Variants in HDAC9 observed in about 807,000 individuals in gnomAD.
The protein encoded by HDAC9 is histone deacetylase 9, also known as MEF-2 interacting transcription repressor (MITR) protein.
Under a neutral mutation model 139.4 loss-of-function variants are expected in HDAC9, and 41 were observed. That is an observed-to-expected ratio of 0.29 (90% CI 0.23 to 0.38). The LOEUF (loss-of-function observed/expected upper bound fraction) is 0.38. Ranked by LOEUF, HDAC9 falls within the 10% of genes least tolerant of loss-of-function variation. The pLI is 1.00. For missense variants in HDAC9, 1,147 were observed against 1,297.0 expected, an observed-to-expected ratio of 0.88 and a Z score of 1.78; for synonymous variants, 517 against 476.2, an observed-to-expected ratio of 1.09 and a Z score of -1.12.
Position 18,417,407 on chromosome 7 carries a change from C to G in HDAC9, c.-41-78855C>G, listed in dbSNP as rs555986631. The stretch of plus-strand genomic sequence containing the variant: ...TGCTGGATCATTTTCAATTCGTTGG[C>G]TTTTCTCCTCACTATGGGTCATATT... On this transcript the variant is annotated intron_variant, in intron 1 of 3. Transcript: ENST00000413509. Among the ~76,000 whole-genome samples the G allele has an allele frequency of 3.9e-5, 6 of 152,208 alleles. No individual in the cohort carries two copies. The East Asian group carries it at 9.6e-4, about 24-fold the overall frequency.
chr7:18,395,020 A>G (rs530660539), intron 1 of HDAC9: 1 of 152,274 alleles, frequency 6.6e-6, no homozygotes, highest in South Asian at 2.1e-4. Flanking sequence ...GGTCAATGTG[A>G]TTTACCAAAA....
chr7:18,353,949 T>C (rs545006481), intron 1 of HDAC9, among the ~76,000 whole-genome samples: 4 of 152,182 alleles, frequency 2.6e-5, no homozygotes, highest in Non-Finnish European at 5.9e-5. Context: ...GTGTGACCTG[T>C]TTCACCTTCT....
chr7:18,235,724 A>G (rs1793769244), intron 2 of HDAC9, among the ~76,000 whole-genome samples: 1 of 152,230 alleles, frequency 6.6e-6, no homozygotes, highest in African/African-American at 2.4e-5. Context: ...CAGGGAAGAT[A>G]TTAGCCTTAT....
chr7:18,450,591 C>A (rs1414442981), intron 1 of HDAC9, among the ~76,000 whole-genome samples: 1 of 152,152 alleles, frequency 6.6e-6, no homozygotes, highest in African/African-American at 2.4e-5. Context: ...CTTCTCTTAG[C>A]CACATGTGAA....
intron 1 of HDAC9, among the ~76,000 whole-genome samples, chr7:18,336,243 A>G (rs935892994): frequency 9.2e-5 from 14 of 151,560 alleles, no homozygotes; most frequent in African/African-American, 2.9e-4. Context: ...TGTTGTTGTT[A>G]TTATTATAAG....
At chr7:18,431,248 A>G (rs1790631423) in intron 1 of HDAC9, among the ~76,000 whole-genome samples, 1 of 152,206 alleles carries the variant, frequency 6.6e-6, no homozygotes, top group Admixed American at 6.5e-5. Flanking sequence ...AGATATGGTA[A>G]TGATGCGAAA....
chr7:18,889,102 C>T (rs146919483), intron 22 of HDAC9, among the ~76,000 whole-genome samples: 130 of 152,274 alleles, frequency 8.5e-4, no homozygotes, highest in African/African-American at 3.0e-3. Flanking sequence ...TACTCTCTAC[C>T]CTACTCTATG....
At chr7:18,530,450 C>T (rs958250161) in intron 2 of HDAC9, among the ~76,000 whole-genome samples, 1 of 151,940 alleles carries the variant, frequency 6.6e-6, no homozygotes, top group African/African-American at 2.4e-5. Context: ...AAAAATGCAC[C>T]CTTGCTAAAG....
chr7:18,471,432 C>A (rs1200271695), intron 1 of HDAC9, among the ~76,000 whole-genome samples: 1 of 152,110 alleles, frequency 6.6e-6, no homozygotes, highest in Non-Finnish European at 1.5e-5. Flanking sequence ...ATGAATGCTG[C>A]CCTTAATTGT....
At chr7:18,875,439 G>A (rs1726948266) in intron 22 of HDAC9, among the ~76,000 whole-genome samples, 1 of 152,152 alleles carries the variant, frequency 6.6e-6, no homozygotes, top group Non-Finnish European at 1.5e-5. Context: ...TGGGAGAGAT[G>A]AGTTTGGAGC....
At chr7:18,342,470 G>A (rs1782090620) in intron 1 of HDAC9, among the ~76,000 whole-genome samples, 1 of 151,706 alleles carries the variant, frequency 6.6e-6, no homozygotes, top group Non-Finnish European at 1.5e-5. Flanking sequence ...ATTTCAGGTG[G>A]GATAGTAAAT....
chr7:18,742,431 A>G (rs1345290497), intron 13 of HDAC9, among the ~76,000 whole-genome samples: 2 of 152,208 alleles, frequency 1.3e-5, no homozygotes, highest in African/African-American at 2.4e-5. Flanking sequence ...AGGTATGTAC[A>G]TTGGTTTCTT....
chr7:18,316,975 T>C (rs1231909983), intron 1 of HDAC9, among the ~76,000 whole-genome samples: 2 of 151,758 alleles, frequency 1.3e-5, no homozygotes, highest in Admixed American at 1.3e-4. Context: ...GCGCCTGTAG[T>C]CCCAGCTAAT....
At chr7:18,332,750 G>T (rs117653449) in intron 1 of HDAC9, among the ~76,000 whole-genome samples, 1 of 151,540 alleles carries the variant, frequency 6.6e-6, no homozygotes, top group Non-Finnish European at 1.5e-5. Flanking sequence ...ATCTTTTTGT[G>T]TTGAAGATAG....
intron 1 of HDAC9, among the ~76,000 whole-genome samples, chr7:18,112,167 GTACTA>G (rs1440189528): frequency 6.6e-6 from 1 of 152,130 alleles, no homozygotes; most frequent in Admixed American, 6.5e-5. Context: ...ATGGGTGGAT[GTACTA>G]TACAATGGTG....
chr7:18,327,716 A>G (rs1453746935), intron 1 of HDAC9: 1 of 151,982 alleles, frequency 6.6e-6, no homozygotes, highest in Non-Finnish European at 1.5e-5. Context: ...TATACCAACC[A>G]AAGTTGAATA....
At chr7:18,330,770 G>A (rs1004662705) in intron 1 of HDAC9, among the ~76,000 whole-genome samples, 4 of 151,676 alleles carry the variant, frequency 2.6e-5, no homozygotes, top group Non-Finnish European at 5.9e-5. Flanking sequence ...CTTAAATACA[G>A]TAACACTGGC....
chr7:18,428,958 T>A (rs1438723485), intron 1 of HDAC9: 1 of 152,260 alleles, frequency 6.6e-6, no homozygotes, highest in Non-Finnish European at 1.5e-5. Flanking sequence ...GCTCCTCGCC[T>A]CACGTCTTCA....
chr7:18,229,515 C>A (rs1793307196), intron 2 of HDAC9, among the ~76,000 whole-genome samples: 2 of 152,192 alleles, frequency 1.3e-5, no homozygotes, highest in African/African-American at 4.8e-5. Context: ...TATTACAATG[C>A]AGACACAGTT....
Sources: allele counts gnomAD v4.1 joint callset (sites outside exome capture counted in the v4.1 genomes callset), GRCh38; gene constraint gnomAD v4.1.1; transcripts MANE v1.5; gene names NCBI Gene and HGNC (gene_info 2026-07-23, HGNC 2026-07-21).